Variants in SHISA9 observed in about 807,000 individuals in gnomAD.
The protein encoded by SHISA9 is shisa family member 9, also known as protein shisa-9.
SHISA9 carries 13 observed loss-of-function variants against 38.0 expected under a neutral mutation model. The observed-to-expected ratio is 0.34, with a 90% CI of 0.22 to 0.54. The LOEUF is 0.54. SHISA9 is among the 20% of genes least tolerant of loss of function. SHISA9 has a pLI of 0.91. For missense variants in SHISA9, 538 were observed against 575.8 expected (o/e 0.93, Z 0.67); for synonymous variants, 275 against 242.0 (o/e 1.14, Z -1.27).
intron 2 of SHISA9, among the ~76,000 whole-genome samples, chr16:13,112,120 T>A (rs2141967936): frequency 6.6e-6 from 1 of 152,302 alleles, no homozygotes; most frequent in East Asian, 1.9e-4. Flanking sequence ...GGATTTTTTT[T>A]TGTTTGTTTT....
chr16:13,531,094 A>T, the SHISA9 span, among the ~76,000 whole-genome samples: 1 of 152,182 alleles, frequency 6.6e-6, no homozygotes, highest in Non-Finnish European at 1.5e-5. Flanking sequence ...ATCAACCTCC[A>T]TTGAAACTTG....
the SHISA9 span, among the ~76,000 whole-genome samples, chr16:13,256,121 C>T: frequency 6.6e-6 from 1 of 152,210 alleles, no homozygotes; most frequent in Non-Finnish European, 1.5e-5. Context: ...CTGCCTGTTT[C>T]CTCTGCCAGA....
intron 1 of SHISA9, chr16:12,910,838 G>A (rs757854140): frequency 6.5e-6 from 4 of 613,194 alleles, no homozygotes; most frequent in Non-Finnish European, 8.2e-6. Context: ...AAGTCTGAAG[G>A]CCGACAGGCA....
At chr16:12,978,087 C>A (rs937798902) in intron 2 of SHISA9, among the ~76,000 whole-genome samples, 2 of 152,030 alleles carry the variant, frequency 1.3e-5, no homozygotes, top group Admixed American at 6.6e-5. Context: ...CAAAGACAGG[C>A]AAGAGAAACA....
At chr16:13,006,413 A>G (rs1466134113) in intron 2 of SHISA9, among the ~76,000 whole-genome samples, 1 of 152,182 alleles carries the variant, frequency 6.6e-6, no homozygotes, top group Non-Finnish European at 1.5e-5. Flanking sequence ...GACAGTATTT[A>G]TCAAGCACGT....
chr16:13,520,148 C>A, the SHISA9 span, among the ~76,000 whole-genome samples: 40 of 152,236 alleles, frequency 2.6e-4, no homozygotes, highest in South Asian at 8.1e-3. Context: ...ATGTCACCCA[C>A]GTGATGTGGG....
chr16:13,124,066 C>T (rs1258248436), intron 2 of SHISA9, among the ~76,000 whole-genome samples: 1 of 152,212 alleles, frequency 6.6e-6, no homozygotes, highest in Non-Finnish European at 1.5e-5. Flanking sequence ...GACACTTAGC[C>T]TAGCCCTTGG....
At chr16:13,335,111 A>G in the SHISA9 span, among the ~76,000 whole-genome samples, 4 of 152,246 alleles carry the variant, frequency 2.6e-5, no homozygotes, top group Non-Finnish European at 5.9e-5. Flanking sequence ...TCTGTCTGTC[A>G]TTCATCCATT....
the SHISA9 span, among the ~76,000 whole-genome samples, chr16:13,273,482 C>G: frequency 6.6e-6 from 1 of 152,158 alleles, no homozygotes; most frequent in Non-Finnish European, 1.5e-5. Flanking sequence ...TATCCCAGCA[C>G]AAGCTCTCTC....
chr16:13,073,851 C>G (rs2073547808), intron 2 of SHISA9, among the ~76,000 whole-genome samples: 1 of 152,008 alleles, frequency 6.6e-6, no homozygotes, highest in South Asian at 2.1e-4. Flanking sequence ...AGGAACGAGG[C>G]ATGGGACAGG....
chr16:12,935,078 C>T (rs1183305318), intron 2 of SHISA9, among the ~76,000 whole-genome samples: 1 of 152,064 alleles, frequency 6.6e-6, no homozygotes, highest in African/African-American at 2.4e-5. Flanking sequence ...CTGATTGGTC[C>T]ATATTGAGTC....
chr16:13,262,213 C>A, the SHISA9 span, among the ~76,000 whole-genome samples: 1 of 152,304 alleles, frequency 6.6e-6, no homozygotes, highest in African/African-American at 2.4e-5. Flanking sequence ...CAAAACCAGT[C>A]CTGATATGCT....
intron 2 of SHISA9, among the ~76,000 whole-genome samples, chr16:13,198,191 AAAAT>A (rs561484557): frequency 6.3e-4 from 96 of 152,194 alleles, no homozygotes; most frequent in African/African-American, 2.1e-3. Flanking sequence ...TCTCAAAAAA[AAAAT>A]TAATATATGT....
At chr16:13,500,246 G>A in the SHISA9 span, among the ~76,000 whole-genome samples, 4 of 152,080 alleles carry the variant, frequency 2.6e-5, no homozygotes, top group Non-Finnish European at 4.4e-5. Flanking sequence ...CATGTGAGAC[G>A]GTCCAAGCTT....
the SHISA9 span, among the ~76,000 whole-genome samples, chr16:13,334,602 G>A: frequency 1.3e-4 from 19 of 151,906 alleles, no homozygotes; most frequent in South Asian, 2.1e-3. Flanking sequence ...GTGAAACCCC[G>A]TCTCTACTCA....
chr16:13,241,210 C>T (rs1567263027), downstream of SHISA9, among the ~76,000 whole-genome samples: 1 of 152,170 alleles, frequency 6.6e-6, no homozygotes, highest in Non-Finnish European at 1.5e-5. Flanking sequence ...GAAGGACTTT[C>T]ATGGTGTCAA....
At chr16:13,313,518 C>T in the SHISA9 span, among the ~76,000 whole-genome samples, 1 of 152,020 alleles carries the variant, frequency 6.6e-6, no homozygotes, top group Non-Finnish European at 1.5e-5. Flanking sequence ...AACAGAGAAA[C>T]TTCAAATGAA....
chr16:13,098,386 T>C (rs1262163577), intron 2 of SHISA9, among the ~76,000 whole-genome samples: 1 of 152,220 alleles, frequency 6.6e-6, no homozygotes, highest in Non-Finnish European at 1.5e-5. Flanking sequence ...TCTTTAATTC[T>C]ATTTCAGTAT....
At chr16:13,338,579 T>C in the SHISA9 span, among the ~76,000 whole-genome samples, 4 of 152,116 alleles carry the variant, frequency 2.6e-5, no homozygotes, top group South Asian at 2.1e-4. Context: ...AGTCTTGGGA[T>C]TTTATTTGGA....
Sources: gnomAD v4.1 joint callset for allele counts (sites outside exome capture counted in the v4.1 genomes callset) on GRCh38, gnomAD v4.1.1 for gene constraint, MANE v1.5 for transcripts, NCBI Gene and HGNC (gene_info 2026-07-23, HGNC 2026-07-21) for gene names.